Variants in SLC25A48 observed in about 807,000 individuals in gnomAD.
The protein encoded by SLC25A48 is CTC-321K16.1.
A neutral mutation model predicts 32.2 loss-of-function variants in SLC25A48; 29 were observed. That is an observed-to-expected ratio of 0.90 (90% confidence interval 0.67 to 1.23). The LOEUF is 1.23. Among genes scored for constraint, SLC25A48 ranks in the 50% most tolerant of loss-of-function variants. SLC25A48 has a pLI of 0.00. For synonymous variants in SLC25A48, 164 were observed against 172.3 expected, an observed-to-expected ratio of 0.95 and a Z score of 0.38; for missense variants, 399 against 422.7, an observed-to-expected ratio of 0.94 and a Z score of 0.49.
intron 3 of SLC25A48, among the ~76,000 whole-genome samples, chr5:135,687,434 T>A (rs145918656): frequency 1.9e-3 from 291 of 152,352 alleles, no homozygotes; most frequent in Middle Eastern, 3.4e-3. Flanking sequence ...GATTTCTGTG[T>A]AACTGAGATT....
rs187871337 is a variant in SLC25A48, at chr5:135,624,839, T to C, written c.-848-4398T>C. ...ATGGAGAAGTTTGCTTTTATGTCTATGGCCAACAGATCCGATTTGTGGAAC... is the reference window on the plus strand; with the variant it reads ...ATGGAGAAGTTTGCTTTTATGTCTACGGCCAACAGATCCGATTTGTGGAAC... On this transcript the variant is annotated intron_variant, in intron 1 of 10. Coordinates refer to the SLC25A48 transcript ENST00000646290. 1.9e-4 allele frequency among the ~76,000 whole-genome samples: 29 copies of C among 152,344 alleles called. 1 individual carries two copies. In the East Asian group the frequency reaches 5.4e-3, roughly 28 times the overall value.
intron 3 of SLC25A48, among the ~76,000 whole-genome samples, chr5:135,810,053 G>T (rs1377755666): frequency 6.6e-6 from 1 of 152,172 alleles, no homozygotes; most frequent in Non-Finnish European, 1.5e-5. Flanking sequence ...GTCCAGGCTA[G>T]TCTCAAACTC....
intron 3 of SLC25A48, among the ~76,000 whole-genome samples, chr5:135,758,343 C>T (rs1032306613): frequency 2.7e-5 from 4 of 150,690 alleles, no homozygotes; most frequent in Non-Finnish European, 1.5e-5. Flanking sequence ...AATAGAATAT[C>T]ATCTCTATGA....
Position 135,782,935 on chromosome 5 carries a change from C to T in SLC25A48, c.-520-29588C>T, listed in dbSNP as rs577279936. Among the ~76,000 whole-genome samples the T allele has an allele frequency of 9.2e-3, 651 of 70,480 alleles. 207 individuals carry two copies. The highest frequency in any genetic ancestry group is 0.023 in the Middle Eastern group (2 of 88). The allele number at this position is 70,480 out of a possible 152,430, so 46.2% of individuals were successfully genotyped here. A position where few individuals can be genotyped will look rare whatever the true frequency, so the allele number is the denominator to read the frequency against. On this transcript the variant is annotated intron_variant, in intron 3 of 10. Coordinates refer to the SLC25A48 transcript ENST00000646290. ...GAGAAGATGATATTACTCCCAATATCGCAGGGGGTGTGCACCCCCACTGTG... is the reference window on the plus strand; with the variant it reads ...GAGAAGATGATATTACTCCCAATATTGCAGGGGGTGTGCACCCCCACTGTG...
rs1233949995 is a variant in SLC25A48, at chr5:135,874,033, G to C, written c.692G>C (p.Trp231Ser). 3.9e-6 allele frequency: 6 copies of C among 1,532,890 alleles called. No individual in the cohort carries two copies. The Admixed American group carries it at 7.9e-5, about 20-fold the overall frequency. 95.0% of individuals were successfully genotyped at this position (1,532,890 alleles called of 1,614,324 possible). Residue 231 changes from tryptophan (W) to serine (S), a missense_variant, in exon 6 of 8, where the codon TGG (tryptophan) becomes TCG (serine). By Grantham distance (177) the Trp-to-Ser change is radical. Coordinates refer to ENST00000681962, the MANE Select transcript of SLC25A48 (RefSeq NM_001349336.2). ...LAGGMAGAIS[W>S]GTATPMDVVK... ...TTTCTCTTTGCAGGAGCAATTTCTTGGGGGACAGCGACTCCTATGGATGTC... is the reference window on the plus strand; with the variant it reads ...TTTCTCTTTGCAGGAGCAATTTCTTCGGGGACAGCGACTCCTATGGATGTC...
intron 3 of SLC25A48, chr5:135,650,565 A>AG (rs1396074149): frequency 4.0e-6 from 1 of 247,324 alleles, no homozygotes; most frequent in Non-Finnish European, 7.3e-6. Context: ...GAACTAAAAA[A>AG]AAAACAACAA....
chr5:135,858,584 A>G (rs1760525051), intron 4 of SLC25A48, among the ~76,000 whole-genome samples: 1 of 152,210 alleles, frequency 6.6e-6, no homozygotes. Context: ...AGACTGAGGA[A>G]CAAAGAGGTT....
intron 3 of SLC25A48, among the ~76,000 whole-genome samples, chr5:135,716,536 C>A (rs1754804187): frequency 2.0e-5 from 3 of 152,180 alleles, no homozygotes; most frequent in Admixed American, 2.0e-4. Context: ...TCATTTCCTG[C>A]ACCTTAGTGT....
At chr5:135,788,906 G>A (rs1304577846) in intron 3 of SLC25A48, among the ~76,000 whole-genome samples, 10 of 149,190 alleles carry the variant, frequency 6.7e-5, no homozygotes, top group South Asian at 4.3e-4. Context: ...ACACCCCCAC[G>A]CCATATGGTG....
intron 3 of SLC25A48, among the ~76,000 whole-genome samples, chr5:135,654,240 G>A (rs1166775622): frequency 1.3e-5 from 2 of 152,182 alleles, no homozygotes; most frequent in Middle Eastern, 3.2e-3. Flanking sequence ...TTGGTTGCTG[G>A]TTTAAAATTG....
At chr5:135,770,441 T>G (rs902558726) in intron 3 of SLC25A48, among the ~76,000 whole-genome samples, 18 of 151,794 alleles carry the variant, frequency 1.2e-4, no homozygotes, top group Middle Eastern at 3.2e-3. Context: ...ACCTCTCCTG[T>G]GATATTGTTT....
chr5:135,721,255 A>G (rs1392634340), intron 3 of SLC25A48, among the ~76,000 whole-genome samples: 2 of 95,352 alleles, frequency 2.1e-5, no homozygotes, highest in African/African-American at 6.7e-5. Flanking sequence ...AGGCTGGAGT[A>G]CAATGGCGTG....
intron 4 of SLC25A48, among the ~76,000 whole-genome samples, chr5:135,858,624 A>G (rs1001204894): frequency 2.0e-5 from 3 of 152,156 alleles, no homozygotes; most frequent in African/African-American, 7.2e-5. Context: ...CCTTAGTGGG[A>G]GGTGGAGGAG....
intron 3 of SLC25A48, among the ~76,000 whole-genome samples, chr5:135,783,561 C>A (rs903582870): frequency 8.4e-6 from 1 of 118,402 alleles, no homozygotes; most frequent in African/African-American, 2.6e-5. Context: ...GTGTACACCC[C>A]CTGTGTGATT....
At chr5:135,685,181 T>C (rs1313267939) in intron 3 of SLC25A48, among the ~76,000 whole-genome samples, 1 of 152,140 alleles carries the variant, frequency 6.6e-6, no homozygotes, top group Non-Finnish European at 1.5e-5. Context: ...TTTTGTTATG[T>C]CTAAAGCAAT....
chr5:135,731,541 A>T (rs1285747134), intron 3 of SLC25A48, among the ~76,000 whole-genome samples: 14 of 152,182 alleles, frequency 9.2e-5, no homozygotes, highest in Non-Finnish European at 2.1e-4. Flanking sequence ...CCAGAGTGGG[A>T]GAGATTAAGC....
In SLC25A48 at chr5:135,781,659, C is replaced by T. The variant is rs1350034157; in HGVS notation, c.-520-30864C>T. ...TACATTCAATATCGCAGTGGGTGTA[C>T]ACCTCCCCTGTGATATTGTTCCTAA... On this transcript the variant is annotated intron_variant, in intron 3 of 10. Coordinates refer to the SLC25A48 transcript ENST00000646290. Among the ~76,000 whole-genome samples the T allele has an allele frequency of 2.6e-5, 3 of 115,828 alleles. 1 individual carries two copies. The highest frequency in any genetic ancestry group is 6.4e-5 in the Non-Finnish European group (3 of 46,846). 76.0% of individuals were successfully genotyped at this position (115,828 alleles called of 152,430 possible).
chr5:135,856,434 T>C (rs1207677523), intron 4 of SLC25A48, among the ~76,000 whole-genome samples: 1 of 152,148 alleles, frequency 6.6e-6, no homozygotes, highest in Non-Finnish European at 1.5e-5. Flanking sequence ...CCCCAGCAGC[T>C]CACTCAGGAG....
chr5:135,697,268 A>G (rs901871248), intron 3 of SLC25A48, among the ~76,000 whole-genome samples: 1 of 147,886 alleles, frequency 6.8e-6, no homozygotes, highest in Non-Finnish European at 1.5e-5. Flanking sequence ...ACCTTAGGTA[A>G]TGGTTCCCTC....
Sources: allele counts gnomAD v4.1 joint callset (sites outside exome capture counted in the v4.1 genomes callset), GRCh38; gene constraint gnomAD v4.1.1; transcripts MANE v1.5; gene names NCBI Gene and HGNC (gene_info 2026-07-23, HGNC 2026-07-21).